POGLUT1: variants seen among roughly 807,000 people sequenced by gnomAD.
POGLUT1 encodes the protein 9630046K23Rik.
A neutral mutation model predicts 61.3 loss-of-function variants in POGLUT1; 32 were observed. The observed-to-expected ratio is 0.52, with a 90% CI of 0.39 to 0.70. The LOEUF is 0.70. Among genes scored for constraint, POGLUT1 ranks in the 30% least tolerant of loss-of-function variants. POGLUT1 has a pLI of 0.00. For missense variants in POGLUT1, 411 were observed against 469.8 expected (o/e 0.87, Z 1.16); for synonymous variants, 158 against 158.2 (o/e 1.00, Z 0.01).
At chr3:119,482,089 T>C (rs1382433760) in intron 5 of POGLUT1, among the ~76,000 whole-genome samples, 2 of 152,324 alleles carry the variant, frequency 1.3e-5, no homozygotes, top group Non-Finnish European at 1.5e-5. Context: ...TAAACTTTTT[T>C]TTCCCTAAGT....
intron 7 of POGLUT1, 174 bp downstream of exon 7, chr3:119,487,106 T>G: frequency 1.7e-6 from 1 of 603,664 alleles, no homozygotes; most frequent in Non-Finnish European, 3.0e-6. Context: ...AAACTTACAT[T>G]GCTTTTCTGG....
At chr3:119,478,575 C>T (rs955555205) in intron 4 of POGLUT1, 3 of 350,742 alleles carry the variant, frequency 8.6e-6, no homozygotes, top group African/African-American at 6.5e-5. Context: ...CTTTACTTCC[C>T]TTCTGTTTTT....
At position 119,491,618 on chromosome 3, in the gene POGLUT1, T is replaced by A. The variant is rs748260350; in HGVS notation, c.1022+44T>A. The A allele has an allele frequency of 4.0e-5, 41 of 1,037,084 alleles. 2 individuals carry two copies. In the South Asian group the frequency reaches 5.1e-4, roughly 13 times the overall value. 64.2% of individuals were successfully genotyped at this position (1,037,084 alleles called of 1,614,324 possible). ...CCCTTTTCCACTTTACTTTTTGTCA[T>A]CCCCATTATGCCCTAGCCAAAGTTA... On this transcript the variant is annotated intron_variant, in intron 10 of 10. Transcript: ENST00000295588.
At chr3:119,483,637 G>A (rs921923590) in intron 5 of POGLUT1, among the ~76,000 whole-genome samples, 1 of 152,220 alleles carries the variant, frequency 6.6e-6, no homozygotes, top group Non-Finnish European at 1.5e-5. Context: ...CTAACAGTAT[G>A]TATGGTGTGA....
intron 1 of POGLUT1, 140 bp from the exon 2 acceptor site, chr3:119,469,680 T>G (rs2081445306): frequency 1.6e-6 from 1 of 612,718 alleles, no homozygotes; most frequent in East Asian, 2.8e-5. Flanking sequence ...CAAAAATTCC[T>G]CCCTAGCGTT....
chr3:119,492,580 C>A lies in POGLUT1; in HGVS notation c.*142C>A. 2.1e-6 allele frequency: 1 copy of A among 469,786 alleles called. No individual in the cohort carries two copies. Among genetic ancestry groups the A allele is most frequent in the African/African-American group, 2.0e-5 (1 of 50,386 alleles). The allele number at this position is 469,786 out of a possible 1,614,324, so 29.1% of individuals were successfully genotyped here. A position where few individuals can be genotyped will look rare whatever the true frequency, so the allele number is the denominator to read the frequency against. On this transcript the variant is annotated 3_prime_UTR_variant, in exon 11 of 11. Coordinates refer to ENST00000295588, the MANE Select transcript of POGLUT1 (RefSeq NM_152305.3). Reference sequence around the variant, plus strand: ...CTGGTTTTCCTTATCATGCTGCACCCAGAGCAACTCTTGAGAAAGATTTAA... The same window carrying A: ...CTGGTTTTCCTTATCATGCTGCACCAAGAGCAACTCTTGAGAAAGATTTAA...
At chr3:119,488,202 G>C (rs2081694197) in intron 7 of POGLUT1, 1 of 152,160 alleles carries the variant, frequency 6.6e-6, no homozygotes, top group African/African-American at 2.4e-5. Context: ...TGTTCATTTA[G>C]AACAAAAGTT....
In POGLUT1 at chr3:119,491,535, T is replaced by G. The variant is rs369732121; in HGVS notation, c.983T>G (p.Val328Gly). ...CATTTTAGAGAGCTGTTACAATTTGTAAAAGCAAATGATGATGTAGCTCAA... is the reference window on the plus strand; with the variant it reads ...CATTTTAGAGAGCTGTTACAATTTGGAAAAGCAAATGATGATGTAGCTCAA... ...LSNVQELLQF[V>G]KANDDVAQEI... Residue 328 changes from valine (V) to glycine (G), a missense_variant, in exon 10 of 11, where the codon GTA (valine) becomes GGA (glycine). By Grantham distance (109) the Val-to-Gly change is moderately radical (BLOSUM62 -3). Transcript: ENST00000295588. The G allele has an allele frequency of 5.8e-6, 9 of 1,547,966 alleles. No homozygotes were observed. Among genetic ancestry groups the G allele is most frequent in the Non-Finnish European group, 8.0e-6 (9 of 1,131,244 alleles).
rs1191582577 is a variant in POGLUT1, at chr3:119,493,056, A to G, written c.*618A>G. 6.6e-6 allele frequency: 1 copy of G among 152,366 alleles called. No individual in the cohort carries two copies. Among genetic ancestry groups the G allele is most frequent in the Non-Finnish European group, 1.5e-5 (1 of 68,002 alleles). The allele number at this position is 152,366 out of a possible 1,614,324, so 9.4% of individuals were successfully genotyped here. A position where few individuals can be genotyped will look rare whatever the true frequency, so the allele number is the denominator to read the frequency against. ...GAGGTTTCTATAATGCCACATAGAA[A>G]GAGGCCAATTGCATGAGTAATTATT... is the stretch of plus-strand genomic sequence containing the variant. On this transcript the variant is annotated 3_prime_UTR_variant, in exon 11 of 11. Coordinates refer to ENST00000295588, the MANE Select transcript of POGLUT1 (RefSeq NM_152305.3).
chr3:119,469,049 C>T lies in POGLUT1; in HGVS notation c.28C>T (p.Arg10Trp). 6.2e-7 allele frequency: 1 copy of T among 1,609,238 alleles called. No homozygotes were observed. Among genetic ancestry groups the T allele is most frequent in the Non-Finnish European group, 8.5e-7 (1 of 1,178,914 alleles). The change falls in exon 1 of 11, where the codon CGG becomes TGG. Residue 10 changes from arginine (R) to tryptophan (W), a missense_variant. Arg to Trp is a moderately radical substitution (Grantham distance 101, BLOSUM62 -3). Coordinates refer to ENST00000295588, the MANE Select transcript of POGLUT1 (RefSeq NM_152305.3). The part of the protein sequence containing the change: MEWWASSPL[R>W]LWLLLFLLPS... ...GGAGTGGTGGGCTAGCTCGCCGCTT[C>T]GGCTCTGGCTGCTGTTGTTCCTCCT... is the stretch of plus-strand genomic sequence containing the variant.
At chr3:119,486,353 C>T (rs772689477) in intron 6 of POGLUT1, among the ~76,000 whole-genome samples, 1 of 152,152 alleles carries the variant, frequency 6.6e-6, no homozygotes, top group Non-Finnish European at 1.5e-5. Context: ...GAAATTCTTC[C>T]ACATACAGTC....
At chr3:119,478,531 A>G in intron 4 of POGLUT1, 1 of 413,734 alleles carries the variant, frequency 2.4e-6, no homozygotes, top group Non-Finnish European at 4.8e-6. Context: ...TGGATAATAA[A>G]GTATGACCGT....
At chr3:119,479,892 C>T (rs1422723246) in intron 4 of POGLUT1, 159 bp from the exon 5 acceptor site, 1 of 1,507,628 alleles carries the variant, frequency 6.6e-7, no homozygotes, top group East Asian at 2.6e-5. Flanking sequence ...TCACTTTTGC[C>T]TTTTAATGTC....
At chr3:119,483,335 T>A (rs1417029570) in intron 5 of POGLUT1, among the ~76,000 whole-genome samples, 1 of 152,204 alleles carries the variant, frequency 6.6e-6, no homozygotes, top group Non-Finnish European at 1.5e-5. Flanking sequence ...ATTTTTGCAG[T>A]GAGTCTTTGC....
intron 5 of POGLUT1, among the ~76,000 whole-genome samples, chr3:119,483,407 T>A (rs1356194998): frequency 6.6e-6 from 1 of 152,218 alleles, no homozygotes; most frequent in Non-Finnish European, 1.5e-5. Flanking sequence ...TTAAAAACTC[T>A]GGGTTCAAAT....
At chr3:119,479,824 A>G in intron 4 of POGLUT1, 1 of 1,033,904 alleles carries the variant, frequency 9.7e-7, no homozygotes, top group Non-Finnish European at 1.4e-6. Context: ...GAAAAAGCTG[A>G]CCTTTAATGT....
chr3:119,489,627 GT>G (rs1167707834), intron 8 of POGLUT1: 56 of 139,928 alleles, frequency 4.0e-4, no homozygotes, highest in Middle Eastern at 3.6e-3. Context: ...AGCTTTTTTT[GT>G]TTTTTTTTTT....
In POGLUT1 at chr3:119,492,336, G is replaced by A; in HGVS notation, c.1077G>A (p.Trp359Ter). ...HLQMDDITCY[W>*]ENLLSEYSKF... Reference sequence around the variant, plus strand: ...AGATGGATGACATCACCTGTTACTGGGAGAACCTCTTGAGTGAATACTCTA... The same window carrying A: ...AGATGGATGACATCACCTGTTACTGAGAGAACCTCTTGAGTGAATACTCTA... Residue 359 changes from tryptophan (W) to a stop codon, truncating the protein, a stop_gained, in exon 11 of 11, where the codon TGG becomes TGA. Coordinates refer to ENST00000295588, the MANE Select transcript of POGLUT1 (RefSeq NM_152305.3). LOFTEE classifies it high-confidence loss of function. The A allele has an allele frequency of 6.2e-7, 1 of 1,610,330 alleles. No individual in the cohort carries two copies. Among genetic ancestry groups the A allele is most frequent in the Non-Finnish European group, 8.5e-7 (1 of 1,177,216 alleles).
rs540325200 is a variant in POGLUT1 at position 119,486,818 on chromosome 3, G to A, written c.639-15G>A. On this transcript the variant is annotated splice_polypyrimidine_tract_variant and intron_variant, in intron 6 of 10. Transcript: ENST00000295588. Reference sequence around the variant, plus strand: ...TACAGGCCACACAGTTTTATGTCACGTGTTTCTTTTATAGGACAAGTCCAG... The same window carrying A: ...TACAGGCCACACAGTTTTATGTCACATGTTTCTTTTATAGGACAAGTCCAG... 34 of 1,563,714 alleles carry A rather than the reference G, an allele frequency of 2.2e-5. No individual in the cohort carries two copies. The East Asian group carries it at 2.7e-4, about 12-fold the overall frequency.
Sources: gnomAD v4.1 joint callset for allele counts (sites outside exome capture counted in the v4.1 genomes callset) on GRCh38, gnomAD v4.1.1 for gene constraint, MANE v1.5 for transcripts, NCBI Gene and HGNC (gene_info 2026-07-23, HGNC 2026-07-21) for gene names.